The following CNTN4 variants were observed in gnomAD, a reference collection of about 807,000 sequenced individuals.
CNTN4 encodes the protein contactin-4.
Under a neutral mutation model 122.5 loss-of-function variants are expected in CNTN4, and 77 were observed. The ratio of observed to expected loss-of-function variants is 0.63; its 90% CI spans 0.52 to 0.76. The LOEUF is 0.76. Among genes scored for constraint, CNTN4 ranks in the 30% least tolerant of loss-of-function variants. The pLI, the probability that CNTN4 is intolerant of heterozygous loss-of-function variation, is 0.00. For missense variants in CNTN4, 1,256 were observed against 1,259.1 expected (o/e 1.00, Z 0.04); for synonymous variants, 512 against 447.0 (o/e 1.15, Z -1.83).
chr3:2,398,195 T>G (rs2046709266), intron 3 of CNTN4, among the ~76,000 whole-genome samples: 1 of 152,132 alleles, frequency 6.6e-6, no homozygotes, highest in Admixed American at 6.6e-5. Context: ...TTATGAAAAC[T>G]TTTAAGTATG....
At chr3:2,348,306 T>C (rs1305513042) in intron 3 of CNTN4, among the ~76,000 whole-genome samples, 1 of 152,192 alleles carries the variant, frequency 6.6e-6, no homozygotes, top group Non-Finnish European at 1.5e-5. Context: ...ACAACAGAAT[T>C]CCTCACTTCT....
rs976407704 is a variant in CNTN4 at position 2,207,404 on chromosome 3, C to T, written c.-145+106765C>T. ...GGTCTCTGGCATCAAACAGCTAAGT[C>T]GTGAAAACAAGGGAAAAGTTCTTAT... On this transcript the variant is annotated intron_variant, in intron 2 of 24. Transcript: ENST00000418658. Among the ~76,000 whole-genome samples the T allele has an allele frequency of 2.6e-5, 4 of 151,930 alleles. No individual in the cohort carries two copies. The East Asian group carries it at 7.7e-4, about 29-fold the overall frequency.
chr3:2,398,189 G>A (rs946157965), intron 3 of CNTN4, among the ~76,000 whole-genome samples: 2 of 152,020 alleles, frequency 1.3e-5, no homozygotes, highest in Admixed American at 6.6e-5. Context: ...CAAAAATTAT[G>A]AAAACTTTTA....
In CNTN4 at chr3:3,040,291, G is replaced by T. The variant is rs17025200; in HGVS notation, c.2398+20G>T. The T allele has an allele frequency of 2.0e-6, 3 of 1,513,252 alleles. 1 individual carries two copies. In the South Asian group the frequency reaches 3.4e-5, roughly 17 times the overall value. 93.7% of individuals were successfully genotyped at this position (1,513,252 alleles called of 1,614,324 possible). On this transcript the variant is annotated intron_variant, in intron 20 of 24. Transcript: ENST00000418658. ...AAGAAGGTATCGTTTATGCTGCCTA[G>T]ATCATTGACTGTTAATATTTCTTCA...
chr3:2,257,595 A>C (rs1365434228), intron 2 of CNTN4, among the ~76,000 whole-genome samples: 1 of 152,164 alleles, frequency 6.6e-6, no homozygotes, highest in Non-Finnish European at 1.5e-5. Flanking sequence ...TTACAAGAAA[A>C]AAGCAACCCC....
intron 14 of CNTN4, among the ~76,000 whole-genome samples, chr3:2,992,851 C>T (rs954207170): frequency 2.6e-5 from 4 of 152,178 alleles, no homozygotes; most frequent in Non-Finnish European, 5.9e-5. Flanking sequence ...GAACTTCGTA[C>T]ATGCATGCCA....
intron 2 of CNTN4, among the ~76,000 whole-genome samples, chr3:2,242,039 T>A (rs1246318808): frequency 6.6e-6 from 1 of 152,128 alleles, no homozygotes; most frequent in African/African-American, 2.4e-5. Flanking sequence ...GCATACATGG[T>A]CTTAGGTATT....
At chr3:2,658,965 GACACACACACACACACACAC>G (rs67168398) in intron 4 of CNTN4, among the ~76,000 whole-genome samples, 3 of 139,610 alleles carry the variant, frequency 2.1e-5, no homozygotes, top group Non-Finnish European at 4.7e-5. Context: ...CACACAAACA[GACACACACACACACACACAC>G]ACACACACAC....
chr3:2,251,117 A>G (rs149564763), intron 2 of CNTN4, among the ~76,000 whole-genome samples: 3 of 152,016 alleles, frequency 2.0e-5, no homozygotes, highest in East Asian at 3.9e-4. Flanking sequence ...CATCTGACCA[A>G]TTATTAAAAT....
At chr3:2,307,492 GA>G (rs1447986331) in intron 2 of CNTN4, among the ~76,000 whole-genome samples, 1 of 151,810 alleles carries the variant, frequency 6.6e-6, no homozygotes, top group Non-Finnish European at 1.5e-5. Context: ...GATCTCACGG[GA>G]AAAGCTTTCA....
intron 3 of CNTN4, among the ~76,000 whole-genome samples, chr3:2,344,622 A>C (rs1209239624): frequency 6.6e-6 from 1 of 152,156 alleles, no homozygotes; most frequent in African/African-American, 2.4e-5. Context: ...TCATACTGAG[A>C]TTCTGAATGA....
intron 4 of CNTN4, among the ~76,000 whole-genome samples, chr3:2,705,384 A>G (rs1475839531): frequency 7.3e-6 from 1 of 137,280 alleles, no homozygotes; most frequent in Non-Finnish European, 1.5e-5. Flanking sequence ...AAAAAAAAAG[A>G]ATTCTCAGCT....
At chr3:2,651,752 G>A (rs1313607168) in intron 4 of CNTN4, among the ~76,000 whole-genome samples, 2 of 149,868 alleles carry the variant, frequency 1.3e-5, no homozygotes, top group African/African-American at 4.9e-5. Context: ...GCCCAGGCTA[G>A]AGGGCAGTGG....
At position 2,840,512 on chromosome 3, in the gene CNTN4, A is replaced by G. The variant is rs535908108; in HGVS notation, c.454+20931A>G. Among the ~76,000 whole-genome samples the G allele has an allele frequency of 4.0e-3, 491 of 122,952 alleles. 8 individuals are homozygous for G. Among genetic ancestry groups the G allele is most frequent in the African/African-American group, 0.011 (410 of 36,128 alleles). 80.7% of individuals were successfully genotyped at this position (122,952 alleles called of 152,430 possible). On this transcript the variant is annotated intron_variant, in intron 7 of 24. Transcript: ENST00000418658. Reference sequence around the variant, plus strand: ...TCAGGAGATCGAGACCATCCTGGCTAACACGGTGAAACCCCGTCTCTACTA... The same window carrying G: ...TCAGGAGATCGAGACCATCCTGGCTGACACGGTGAAACCCCGTCTCTACTA...
intron 4 of CNTN4, among the ~76,000 whole-genome samples, chr3:2,590,720 T>A (rs1434286776): frequency 1.3e-5 from 2 of 152,036 alleles, no homozygotes; most frequent in African/African-American, 2.4e-5. Flanking sequence ...ATACCTGCGA[T>A]TTACTTTCTC....
chr3:3,006,808 C>T (rs1205580590), intron 14 of CNTN4, among the ~76,000 whole-genome samples: 1 of 152,166 alleles, frequency 6.6e-6, no homozygotes, highest in African/African-American at 2.4e-5. Flanking sequence ...CGTTTTTCCT[C>T]CTTAAAATGG....
At chr3:2,689,133 A>G (rs935397926) in intron 4 of CNTN4, among the ~76,000 whole-genome samples, 6 of 152,112 alleles carry the variant, frequency 3.9e-5, no homozygotes, top group Admixed American at 2.0e-4. Context: ...CTGACTGCCA[A>G]CCTCCATCCA....
intron 2 of CNTN4, among the ~76,000 whole-genome samples, chr3:2,276,839 C>T (rs2041528056): frequency 1.3e-5 from 2 of 151,998 alleles, no homozygotes; most frequent in South Asian, 2.1e-4. Context: ...TCGCTTGAAC[C>T]TGGGAGGCAA....
At chr3:2,368,898 A>G (rs58529380) in intron 3 of CNTN4, among the ~76,000 whole-genome samples, 61,868 of 151,924 alleles carry the variant, frequency 0.41, 12,915 homozygotes, top group Middle Eastern at 0.49. Context: ...TCATCCTAAG[A>G]CTAAAGCACA....
Sources: allele counts gnomAD v4.1 joint callset (sites outside exome capture counted in the v4.1 genomes callset), GRCh38; gene constraint gnomAD v4.1.1; transcripts MANE v1.5; gene names NCBI Gene and HGNC (gene_info 2026-07-23, HGNC 2026-07-21).